Variants in AOX1 observed in about 807,000 individuals in gnomAD.
AOX1 encodes aldehyde oxidase 1.
Under a neutral mutation model 169.5 loss-of-function variants are expected in AOX1, and 153 were observed. The observed-to-expected ratio is 0.90, with a 90% CI of 0.79 to 1.03. The LOEUF is 1.03. AOX1 is among the 50% of genes least tolerant of loss of function. The probability of loss-of-function intolerance (pLI) is 0.00; values close to 1 mark genes in which losing one functional copy is unlikely to be tolerated. For synonymous variants in AOX1, 562 were observed against 581.9 expected (o/e 0.97, Z 0.49); for missense variants, 1,656 against 1,663.9 (o/e 1.00, Z 0.08).
In AOX1 at chr2:200,609,087, C is replaced by T. The variant is rs1355744253; in HGVS notation, c.1011C>T (p.Leu337=). 3.7e-6 allele frequency: 6 copies of T among 1,614,020 alleles called. No homozygotes were observed. The East Asian group carries it at 8.9e-5, about 24-fold the overall frequency. The change falls in exon 11 of 35, where the codon CTC becomes CTT. Residue 337 remains leucine (L), a synonymous_variant. Coordinates refer to ENST00000374700, the MANE Select transcript of AOX1 (RefSeq NM_001159.4). ...AGAAGACACAGATGTACCATGCTCT[C>T]CTGAAGCATTTGGGAACTCTGGCTG... The part of the protein sequence containing the change: ...PEEKTQMYHA[L]LKHLGTLAGS...
At chr2:200,680,951 A>T (rs2036147695), downstream of AOX1, among the ~76,000 whole-genome samples, 1 of 152,244 alleles carries the variant, frequency 6.6e-6, no homozygotes, top group Non-Finnish European at 1.5e-5. Context: ...GGTCAGAACA[A>T]AAAGTGTGAA....
intron 3 of AOX1, 68 bp from the exon 4 acceptor site, chr2:200,597,329 A>G: frequency 2.7e-6 from 3 of 1,129,506 alleles, no homozygotes; most frequent in Non-Finnish European, 3.8e-6. Flanking sequence ...AGCTCAGTGA[A>G]TGCCTGGCCC....
intron 4 of AOX1, chr2:200,676,815 C>T: frequency 2.3e-6 from 1 of 442,122 alleles, no homozygotes; most frequent in Non-Finnish European, 4.7e-6. Flanking sequence ...TGGAGGAACA[C>T]ACTCAGGAAG....
chr2:200,641,909 G>A (rs999634554), intron 24 of AOX1, among the ~76,000 whole-genome samples: 14 of 152,080 alleles, frequency 9.2e-5, no homozygotes, highest in African/African-American at 3.1e-4. Flanking sequence ...TTGGGAGGCT[G>A]AGGTGGGTGG....
chr2:200,607,347 G>T (rs947017766), intron 10 of AOX1, among the ~76,000 whole-genome samples: 4 of 152,068 alleles, frequency 2.6e-5, no homozygotes, highest in African/African-American at 9.7e-5. Flanking sequence ...TGATCGTGGT[G>T]GATAAGCTTT....
intron 26 of AOX1, among the ~76,000 whole-genome samples, chr2:200,651,775 C>A (rs1420263209): frequency 6.6e-6 from 1 of 152,178 alleles, no homozygotes; most frequent in African/African-American, 2.4e-5. Flanking sequence ...AGTTTAATTT[C>A]TTTCATTGAT....
intron 15 of AOX1, 88 bp downstream of exon 15, chr2:200,614,054 T>C (rs1574922344): frequency 1.6e-6 from 2 of 1,260,392 alleles, no homozygotes; most frequent in East Asian, 2.4e-5. Flanking sequence ...ACCAAATAGC[T>C]GTAGAATAAA....
Position 200,668,595 on chromosome 2 carries a change from T to G in AOX1, c.3610-20T>G, listed in dbSNP as rs1190012755. 3.8e-6 allele frequency: 6 copies of G among 1,578,874 alleles called. No individual in the cohort carries two copies. Among genetic ancestry groups the G allele is most frequent in the Non-Finnish European group, 5.2e-6 (6 of 1,162,850 alleles). On this transcript the variant is annotated intron_variant, in intron 32 of 34. Coordinates refer to ENST00000374700, the MANE Select transcript of AOX1 (RefSeq NM_001159.4). ...TGTGTTTTCTCATACGTGGAAATTC[T>G]TTTTTTGTTCTTGCCTCAGATTGAA... is the stretch of plus-strand genomic sequence containing the variant.
intron 22 of AOX1, 115 bp from the exon 23 acceptor site, chr2:200,638,100 T>C (rs1046429036): frequency 1.2e-6 from 1 of 824,376 alleles, no homozygotes; most frequent in Non-Finnish European, 2.0e-6. Context: ...GAAATAGTTG[T>C]GTTGTTCTGT....
chr2:200,595,587 A>G (rs1366524436), intron 3 of AOX1, among the ~76,000 whole-genome samples: 2 of 152,100 alleles, frequency 1.3e-5, no homozygotes, highest in Non-Finnish European at 2.9e-5. Flanking sequence ...AGAATTCCCC[A>G]TCAAAGCCAG....
At chr2:200,642,086 A>G (rs2035363831) in intron 24 of AOX1, among the ~76,000 whole-genome samples, 1 of 152,166 alleles carries the variant, frequency 6.6e-6, no homozygotes, top group East Asian at 2.0e-4. Flanking sequence ...CCGAGATTTC[A>G]CCATTACACT....
At chr2:200,605,729 A>G in intron 10 of AOX1, 101 bp downstream of exon 10, 1 of 503,200 alleles carries the variant, frequency 2.0e-6, no homozygotes, top group South Asian at 5.0e-5. Context: ...TAATTATAAT[A>G]CACACAGAGA....
chr2:200,619,566 T>C, intron 16 of AOX1, among the ~76,000 whole-genome samples: 1 of 152,248 alleles, frequency 6.6e-6, no homozygotes, highest in African/African-American at 2.4e-5. Flanking sequence ...TTCAGTTCTT[T>C]TCACAATACA....
intron 20 of AOX1, among the ~76,000 whole-genome samples, chr2:200,632,694 A>G (rs1430183493): frequency 6.6e-6 from 1 of 151,768 alleles, no homozygotes; most frequent in Admixed American, 6.6e-5. Context: ...TTCAGGGTAA[A>G]TCCGTTTAAA....
Position 200,651,117 on chromosome 2 carries a change from T to A in AOX1, c.2991T>A (p.Asn997Lys). The A allele has an allele frequency of 6.2e-7, 1 of 1,614,196 alleles. No individual in the cohort carries two copies. The highest frequency in any genetic ancestry group is 8.5e-7 in the Non-Finnish European group (1 of 1,180,036). ...GGAAAGTTGCTGTGGAAAAGTTCAATGCAGAGAATTATTGGAAGAAGAAAG... is the reference window on the plus strand; with the variant it reads ...GGAAAGTTGCTGTGGAAAAGTTCAAAGCAGAGAATTATTGGAAGAAGAAAG... The part of the protein sequence containing the change: ...SLRKVAVEKF[N>K]AENYWKKKGL... The change falls in exon 26 of 35, where the codon AAT becomes AAA. Residue 997 changes from asparagine (N) to lysine (K), a missense_variant. Physicochemically the swap from Asn to Lys is moderately conservative, Grantham distance 94. Transcript: ENST00000374700.
chr2:200,637,212 T>C (rs1433329509), intron 22 of AOX1, among the ~76,000 whole-genome samples, 168 bp downstream of exon 22: 1 of 152,130 alleles, frequency 6.6e-6, no homozygotes, highest in African/African-American at 2.4e-5. Flanking sequence ...TATTGTCCTA[T>C]AGCAACCAAA....
rs764457906 is a variant in AOX1 at position 200,627,355 on chromosome 2, A to G, written c.2127A>G (p.Glu709=). The change falls in exon 20 of 35, where the codon GAA becomes GAG. Residue 709 remains glutamate, a splice_region_variant and synonymous_variant. Coordinates refer to ENST00000374700, the MANE Select transcript of AOX1 (RefSeq NM_001159.4). ...DLEPLILTIE[E]SIQHNSSFKP... is the part of the protein sequence containing the mutation. ...TCATTCCTCTGTTCTCTTTCTAGGA[A>G]AGTATACAACACAACTCCTCCTTCA... 6 of 1,611,424 alleles carry G rather than the reference A, an allele frequency of 3.7e-6. No homozygotes were observed. Among genetic ancestry groups the G allele is most frequent in the Non-Finnish European group, 5.1e-6 (6 of 1,177,806 alleles).
chr2:200,657,190 A>ATATTTTTTTTTTTTTTTTT, intron 27 of AOX1, among the ~76,000 whole-genome samples: 1 of 62,880 alleles, frequency 1.6e-5, no homozygotes, highest in African/African-American at 7.9e-5. Context: ...ATATATATAT[A>ATATTTTTTTTTTTTTTTTT]TTTTTTTTTT....
chr2:200,657,165 AAT>A lies in AOX1; in HGVS notation c.3171+253_3171+254del, dbSNP rs1553578034. ...ATAGGGAGATTCCATCTCTACCAAAAATATATATATATATATATATATATATT... is the reference window on the plus strand; with the variant it reads ...ATAGGGAGATTCCATCTCTACCAAAAATATATATATATATATATATATATT... On this transcript the variant is annotated intron_variant, in intron 27 of 34. Transcript: ENST00000374700. Among the ~76,000 whole-genome samples, 145 of 88,354 alleles carry A rather than the reference AAT, an allele frequency of 1.6e-3. 1 individual carries two copies. Among genetic ancestry groups the A allele is most frequent in the South Asian group, 6.3e-3 (16 of 2,520 alleles). 58.0% of individuals were successfully genotyped at this position (88,354 alleles called of 152,430 possible). A position where few individuals can be genotyped will look rare whatever the true frequency, so the allele number is the denominator to read the frequency against.
Sources: allele counts gnomAD v4.1 joint callset (sites outside exome capture counted in the v4.1 genomes callset), GRCh38; gene constraint gnomAD v4.1.1; transcripts MANE v1.5; gene names NCBI Gene and HGNC (gene_info 2026-07-23, HGNC 2026-07-21).